Variants in MEIS1 observed in about 807,000 individuals in gnomAD.
The protein encoded by MEIS1 is Meis homeobox 1, also known as homeobox protein Meis1.
Under a neutral mutation model 50.8 loss-of-function variants are expected in MEIS1, and 5 were observed. That is an observed-to-expected ratio of 0.10 (90% CI 0.05 to 0.21). The LOEUF (loss-of-function observed/expected upper bound fraction) is 0.21. Among genes scored for constraint, MEIS1 ranks in the 10% least tolerant of loss-of-function variants. The pLI is 1.00. For synonymous variants in MEIS1, 176 were observed against 179.3 expected (o/e 0.98, Z 0.15); for missense variants, 318 against 517.3 (o/e 0.61, Z 3.74).
intron 8 of MEIS1, among the ~76,000 whole-genome samples, chr2:66,522,446 C>G (rs988793421): frequency 7.2e-5 from 11 of 152,184 alleles, no homozygotes; most frequent in African/African-American, 2.7e-4. Flanking sequence ...CGAGGGGATC[C>G]TCCTGTTGGA....
rs140029896 is a variant in MEIS1 at position 66,553,770 on chromosome 2, G to A, written c.965+5751G>A. On this transcript the variant is annotated intron_variant, in intron 9 of 12. Coordinates refer to ENST00000272369, the MANE Select transcript of MEIS1 (RefSeq NM_002398.3). ...TGCAGTCTGTTAAATATACTTTGTT[G>A]TAAGTTTTACACCATAAGTTTACTC... is the stretch of plus-strand genomic sequence containing the variant. Among the ~76,000 whole-genome samples, 513 of 152,072 alleles carry A rather than the reference G, an allele frequency of 3.4e-3. 4 individuals carry two copies. Among genetic ancestry groups the A allele is most frequent in the African/African-American group, 0.012 (483 of 41,462 alleles).
intron 8 of MEIS1, among the ~76,000 whole-genome samples, chr2:66,524,149 G>T (rs1674193182): frequency 1.3e-5 from 2 of 152,138 alleles, no homozygotes; most frequent in South Asian, 4.1e-4. Flanking sequence ...GGCTTGAAGT[G>T]TCCTGTTTAC....
At chr2:66,537,326 T>G (rs915790710) in intron 8 of MEIS1, among the ~76,000 whole-genome samples, 4 of 152,198 alleles carry the variant, frequency 2.6e-5, no homozygotes, top group Admixed American at 6.5e-5. Context: ...GTCTGCTGTT[T>G]GTATGCCGTC....
At chr2:66,504,555 C>G (rs1006803557) in intron 7 of MEIS1, among the ~76,000 whole-genome samples, 2 of 152,064 alleles carry the variant, frequency 1.3e-5, no homozygotes, top group African/African-American at 4.8e-5. Context: ...TTTCTTGTCA[C>G]CATTTAAGAA....
chr2:66,449,679 A>G (rs1194199650), intron 6 of MEIS1, among the ~76,000 whole-genome samples: 1 of 152,180 alleles, frequency 6.6e-6, no homozygotes, highest in African/African-American at 2.4e-5. Context: ...AATATTTGTC[A>G]CTAGAATCCA....
intron 8 of MEIS1, among the ~76,000 whole-genome samples, chr2:66,525,736 G>A (rs1029120668): frequency 6.6e-6 from 1 of 152,198 alleles, no homozygotes; most frequent in Admixed American, 6.5e-5. Context: ...GGTGGGTGGA[G>A]GGGTAGCCCT....
intron 6 of MEIS1, among the ~76,000 whole-genome samples, chr2:66,446,917 A>G (rs1350980676): frequency 1.3e-5 from 2 of 152,208 alleles, no homozygotes; most frequent in African/African-American, 2.4e-5. Flanking sequence ...TTTTATTTCA[A>G]AAGTTCACAA....
chr2:66,554,407 T>C lies in MEIS1; in HGVS notation c.965+6388T>C, dbSNP rs531582115. ...GGGCAGGACTTGACTCCCATTTCCC[T>C]GGAGAGGGCATAGGGATGAGGGGCT... On this transcript the variant is annotated intron_variant, in intron 9 of 12. Coordinates refer to ENST00000272369, the MANE Select transcript of MEIS1 (RefSeq NM_002398.3). Among the ~76,000 whole-genome samples the C allele has an allele frequency of 6.6e-5, 10 of 152,282 alleles. No homozygotes were observed. In the South Asian group the frequency reaches 1.7e-3, roughly 25 times the overall value.
intron 9 of MEIS1, among the ~76,000 whole-genome samples, chr2:66,562,827 C>A (rs1298014029): frequency 6.6e-6 from 1 of 152,138 alleles, no homozygotes; most frequent in African/African-American, 2.4e-5. Flanking sequence ...ATTCAGTCTT[C>A]CACCACCTGC....
At chr2:66,437,540 C>T in intron 1 of MEIS1, 197 bp from the exon 2 acceptor site, 1 of 605,506 alleles carries the variant, frequency 1.7e-6, no homozygotes, top group Non-Finnish European at 2.9e-6. Context: ...CCAGACGAGT[C>T]TCGCTGAGAA....
intron 7 of MEIS1, among the ~76,000 whole-genome samples, chr2:66,473,106 C>T (rs908766066): frequency 1.1e-4 from 17 of 152,000 alleles, no homozygotes; most frequent in African/African-American, 3.1e-4. Context: ...AGGCCGGGCG[C>T]GGTGGCTCAT....
intron 3 of MEIS1, 145 bp from the exon 4 acceptor site, chr2:66,440,417 C>T: frequency 2.8e-6 from 2 of 710,396 alleles, no homozygotes; most frequent in Admixed American, 2.3e-5. Flanking sequence ...GGGACGAACT[C>T]GGTGTCACCG....
At chr2:66,435,943 A>G in intron 1 of MEIS1, 75 bp downstream of exon 1, 1 of 1,389,988 alleles carries the variant, frequency 7.2e-7, no homozygotes, top group Non-Finnish European at 9.7e-7. Context: ...ACTGCTAAAA[A>G]GTTTCCTTTT....
At chr2:66,526,749 T>C (rs1295316091) in intron 8 of MEIS1, among the ~76,000 whole-genome samples, 2 of 152,232 alleles carry the variant, frequency 1.3e-5, no homozygotes, top group Non-Finnish European at 2.9e-5. Context: ...AATAAAGGCA[T>C]TGCTTAACCA....
chr2:66,545,176 G>A (rs1302122662), intron 8 of MEIS1, among the ~76,000 whole-genome samples: 3 of 152,082 alleles, frequency 2.0e-5, no homozygotes, highest in Non-Finnish European at 4.4e-5. Flanking sequence ...AGGGCAAAAG[G>A]TTTTGCCATC....
At chr2:66,444,704 T>C (rs1672086590) in intron 6 of MEIS1, among the ~76,000 whole-genome samples, 1 of 152,194 alleles carries the variant, frequency 6.6e-6, no homozygotes, top group Non-Finnish European at 1.5e-5. Flanking sequence ...CCGCCAGCCC[T>C]GGCCCGGGAG....
chr2:66,529,234 G>T (rs1674330124), intron 8 of MEIS1, among the ~76,000 whole-genome samples: 1 of 152,076 alleles, frequency 6.6e-6, no homozygotes, highest in Non-Finnish European at 1.5e-5. Context: ...CTATCTAGAG[G>T]TCAGGATTTA....
chr2:66,517,383 G>T (rs1673995776), intron 8 of MEIS1, among the ~76,000 whole-genome samples: 1 of 152,114 alleles, frequency 6.6e-6, no homozygotes, highest in South Asian at 2.1e-4. Context: ...TAAATTAAGA[G>T]CCTTGAAAAC....
chr2:66,456,924 C>T (rs562500994), intron 6 of MEIS1, among the ~76,000 whole-genome samples: 27 of 152,294 alleles, frequency 1.8e-4, no homozygotes, highest in Admixed American at 1.4e-3. Context: ...AAAGGTTTCT[C>T]TAAAGTATGC....
Sources: allele counts gnomAD v4.1 joint callset (sites outside exome capture counted in the v4.1 genomes callset), GRCh38; gene constraint gnomAD v4.1.1; transcripts MANE v1.5; gene names NCBI Gene and HGNC (gene_info 2026-07-23, HGNC 2026-07-21).